Variants in CMTM4 observed in about 807,000 individuals in gnomAD.
CMTM4 encodes CKLF-like MARVEL transmembrane domain-containing protein 4.
CMTM4 carries 8 observed loss-of-function variants against 19.0 expected under a neutral mutation model. The observed-to-expected ratio is 0.42, with a 90% CI of 0.25 to 0.76. The LOEUF (loss-of-function observed/expected upper bound fraction) is 0.76. CMTM4 is among the 30% of genes least tolerant of loss of function. The pLI, the probability that CMTM4 is intolerant of heterozygous loss-of-function variation, is 0.27. For missense variants in CMTM4, 228 were observed against 290.2 expected, an observed-to-expected ratio of 0.79 and a Z score of 1.56; for synonymous variants, 106 against 121.1, an observed-to-expected ratio of 0.88 and a Z score of 0.82.
At chr16:66,600,136 G>GGTTTTTTTTTTTTTTTTTTTT in the CMTM4 span, among the ~76,000 whole-genome samples, 1 of 135,154 alleles carries the variant, frequency 7.4e-6, no homozygotes, top group African/African-American at 2.9e-5. Context: ...GTGTGTGTGT[G>GGTTTTTTTTTTTTTTTTTTTT]TTTTTTTTTG....
intron 1 of CMTM4, among the ~76,000 whole-genome samples, chr16:66,688,094 C>T (rs1449095744): frequency 6.6e-6 from 1 of 152,250 alleles, no homozygotes; most frequent in Admixed American, 6.5e-5. Context: ...GCCCATTCTT[C>T]ACAGACGGCA....
At chr16:66,624,721 C>A (rs1298136443) in intron 2 of CMTM4, among the ~76,000 whole-genome samples, 1 of 152,094 alleles carries the variant, frequency 6.6e-6, no homozygotes, top group East Asian at 1.9e-4. Flanking sequence ...GAGCTAAGAT[C>A]GTGCCACTGC....
chr16:66,696,304 C>A lies in CMTM4; in HGVS notation c.186+36G>T. 7.8e-7 allele frequency: 1 copy of A among 1,284,242 alleles called. No individual in the cohort carries two copies. Among genetic ancestry groups the A allele is most frequent in the Non-Finnish European group, 9.8e-7 (1 of 1,015,754 alleles). 79.6% of individuals were successfully genotyped at this position (1,284,242 alleles called of 1,614,324 possible). The stretch of plus-strand genomic sequence containing the variant: ...CGGGGAGGGAGGCGTGCGGCTAGGC[C>A]GCCCTCGGGCACCTGGGGCCCCGCC... On this transcript the variant is annotated intron_variant, in intron 1 of 3. Coordinates refer to ENST00000394106, the MANE Select transcript of CMTM4 (RefSeq NM_181521.3). The surrounding 1 kb of genome is among the most constrained non-coding windows in gnomAD (Gnocchi z 4.3).
intron 1 of CMTM4, among the ~76,000 whole-genome samples, chr16:66,663,457 G>A (rs1441512903): frequency 2.7e-5 from 4 of 150,278 alleles, no homozygotes; most frequent in African/African-American, 7.3e-5. Context: ...AGTGAGTGAT[G>A]AGCTACCTTC....
intron 1 of CMTM4, among the ~76,000 whole-genome samples, chr16:66,661,823 C>T (rs1239587111): frequency 6.6e-6 from 1 of 152,130 alleles, no homozygotes; most frequent in Non-Finnish European, 1.5e-5. Context: ...ATTCCAGCTA[C>T]TCAGGAGGCT....
chr16:66,645,779 G>A (rs541283716), intron 1 of CMTM4, among the ~76,000 whole-genome samples: 2 of 152,104 alleles, frequency 1.3e-5, no homozygotes, highest in East Asian at 3.9e-4. Context: ...AGGAGTTCGA[G>A]ACCAGCCTGA....
At chr16:66,643,610 A>G (rs966009026) in intron 1 of CMTM4, among the ~76,000 whole-genome samples, 14 of 152,186 alleles carry the variant, frequency 9.2e-5, no homozygotes, top group Admixed American at 3.3e-4. Flanking sequence ...ATACTCAGTA[A>G]TGTAGTGTAT....
At chr16:66,638,092 C>A (rs2144814098) in intron 1 of CMTM4, among the ~76,000 whole-genome samples, 1 of 152,306 alleles carries the variant, frequency 6.6e-6, no homozygotes, top group Non-Finnish European at 1.5e-5. Context: ...CCATGTCTTC[C>A]CTGACTGCTT....
the CMTM4 span, chr16:66,604,720 C>CTTCCGCACAGCCCGGGT: frequency 2.8e-6 from 3 of 1,083,654 alleles, no homozygotes; most frequent in Non-Finnish European, 3.5e-6. Context: ...GCCTGCCCTC[C>CTTCCGCACAGCCCGGGT]TTCCGCACAG....
chr16:66,671,333 G>T (rs7195160), intron 1 of CMTM4, among the ~76,000 whole-genome samples: 2 of 152,186 alleles, frequency 1.3e-5, no homozygotes, highest in African/African-American at 4.8e-5. Context: ...TGGATGGAAG[G>T]AGACCTGTAA....
In CMTM4 at chr16:66,618,821, G is replaced by A. The variant is rs2144773923; in HGVS notation, c.*3237C>T. On this transcript the variant is annotated 3_prime_UTR_variant, in exon 4 of 4. Coordinates refer to ENST00000394106, the MANE Select transcript of CMTM4 (RefSeq NM_181521.3). ...AGGGTGGAGGTCAGACACATTCCCTGGCTGCCCACAGGCGTGAGCCTTCCT... is the reference window on the plus strand; with the variant it reads ...AGGGTGGAGGTCAGACACATTCCCTAGCTGCCCACAGGCGTGAGCCTTCCT... 2 of 985,508 alleles carry A rather than the reference G, an allele frequency of 2.0e-6. No homozygotes were observed. The highest frequency in any genetic ancestry group is 9.4e-5 in the South Asian group (2 of 21,294). The allele number at this position is 985,508 out of a possible 1,614,324, so 61.0% of individuals were successfully genotyped here.
intron 1 of CMTM4, among the ~76,000 whole-genome samples, chr16:66,681,399 C>T (rs2016911857): frequency 6.6e-6 from 1 of 151,828 alleles, no homozygotes; most frequent in African/African-American, 2.4e-5. Flanking sequence ...TCACTGCAAG[C>T]TCCACCTCCC....
chr16:66,656,975 A>T (rs747721774), intron 1 of CMTM4, among the ~76,000 whole-genome samples: 1 of 152,220 alleles, frequency 6.6e-6, no homozygotes, highest in East Asian at 1.9e-4. Flanking sequence ...CAACTAAATG[A>T]CAACATGATC....
intron 1 of CMTM4, among the ~76,000 whole-genome samples, chr16:66,651,240 C>T (rs1034272293): frequency 3.3e-5 from 5 of 152,128 alleles, no homozygotes; most frequent in African/African-American, 1.2e-4. Flanking sequence ...GGCACGAAGC[C>T]TCTCCGCACC....
intron 1 of CMTM4, among the ~76,000 whole-genome samples, chr16:66,695,002 G>T (rs2017205035): frequency 6.6e-6 from 1 of 152,058 alleles, no homozygotes; most frequent in Admixed American, 6.6e-5. Context: ...TATTTAAAGG[G>T]TATCCACACA....
At chr16:66,685,208 T>C (rs955155494) in intron 1 of CMTM4, among the ~76,000 whole-genome samples, 1 of 152,204 alleles carries the variant, frequency 6.6e-6, no homozygotes, top group Admixed American at 6.6e-5. Context: ...TGGGAAAATT[T>C]ATTATCTGTG....
intron 1 of CMTM4, among the ~76,000 whole-genome samples, chr16:66,677,308 G>A (rs1596956913): frequency 6.6e-6 from 1 of 152,244 alleles, no homozygotes; most frequent in South Asian, 2.1e-4. Context: ...AGACAGGTGG[G>A]GGCAGGGAAG....
chr16:66,686,933 G>A (rs930183895), intron 1 of CMTM4, among the ~76,000 whole-genome samples: 2 of 152,058 alleles, frequency 1.3e-5, no homozygotes, highest in Non-Finnish European at 2.9e-5. Context: ...TGCCACAGGG[G>A]ATCATATGTA....
At chr16:66,608,216 C>T in the CMTM4 span, 3 of 1,415,060 alleles carry the variant, frequency 2.1e-6, no homozygotes, top group African/African-American at 2.9e-5. The surrounding 1 kb of genome is among the most constrained non-coding windows in gnomAD (Gnocchi z 5.1). Context: ...CTGCTGGAAC[C>T]TCCTCTATCC....
Sources: gnomAD v4.1 joint callset for allele counts (sites outside exome capture counted in the v4.1 genomes callset) on GRCh38, gnomAD v4.1.1 for gene constraint, Gnocchi (gnomAD v3.1) non-coding constraint, MANE v1.5 for transcripts, NCBI Gene and HGNC (gene_info 2026-07-23, HGNC 2026-07-21) for gene names.